The following RYR3 variants were observed in gnomAD, a reference collection of about 807,000 sequenced individuals.
The protein encoded by RYR3 is ryanodine receptor 3, also known as brain ryanodine receptor-calcium release channel.
A neutral mutation model predicts 584.3 loss-of-function variants in RYR3; 207 were observed. The observed-to-expected ratio is 0.35, with a 90% confidence interval of 0.32 to 0.40. The LOEUF is 0.40. Ranked by LOEUF, RYR3 falls within the 10% of genes least tolerant of loss-of-function variation. The pLI is 1.00. For missense variants in RYR3, 5,616 were observed against 6,089.2 expected, an observed-to-expected ratio of 0.92 and a Z score of 2.59; for synonymous variants, 2,416 against 2,248.5, an observed-to-expected ratio of 1.07 and a Z score of -2.11.
At chr15:33,852,184 A>G (rs924766733) in intron 94 of RYR3, 1 of 152,094 alleles carries the variant, frequency 6.6e-6, no homozygotes, top group East Asian at 1.9e-4. Context: ...AAGGAAAACA[A>G]AAGTAAGAAT....
At chr15:33,345,440 C>T (rs549081022) in intron 1 of RYR3, among the ~76,000 whole-genome samples, 147 of 152,266 alleles carry the variant, frequency 9.7e-4, no homozygotes, top group African/African-American at 3.2e-3. Context: ...CTTGACCTCC[C>T]AGGCTCTTAG....
chr15:33,554,908 C>T (rs1452224101), intron 10 of RYR3, among the ~76,000 whole-genome samples: 1 of 152,136 alleles, frequency 6.6e-6, no homozygotes, highest in Non-Finnish European at 1.5e-5. Context: ...AATGTTAAAG[C>T]AGGCCATATA....
chr15:33,436,224 A>T (rs2045716075), intron 1 of RYR3, among the ~76,000 whole-genome samples: 1 of 151,908 alleles, frequency 6.6e-6, no homozygotes, highest in East Asian at 1.9e-4. Flanking sequence ...TGCTATACTG[A>T]TTTCCTTTTT....
rs192547667 is a variant in RYR3, at chr15:33,645,883, T to G, written c.3766-468T>G. 3.2e-4 allele frequency among the ~76,000 whole-genome samples: 49 copies of G among 151,946 alleles called. No individual in the cohort carries two copies. The East Asian group carries it at 8.8e-3, about 27-fold the overall frequency. The stretch of plus-strand genomic sequence containing the variant: ...ACTGTGGCAGAGATGAGAGCTGGGC[T>G]GGGTGGGGAGGGTGTCCTCCTCAGG... On this transcript the variant is annotated intron_variant, in intron 28 of 103. Transcript: ENST00000634891.
intron 1 of RYR3, among the ~76,000 whole-genome samples, chr15:33,334,581 A>G (rs1567042894): frequency 6.6e-6 from 1 of 152,182 alleles, no homozygotes; most frequent in African/African-American, 2.4e-5. Flanking sequence ...ATAAAAACCC[A>G]GAAGATAACC....
chr15:33,865,273 G>GAAAT lies in RYR3; in HGVS notation c.*51_*54dup, dbSNP rs755626447. 9.6e-6 allele frequency: 13 copies of GAAAT among 1,350,600 alleles called. No homozygotes were observed. Among genetic ancestry groups the GAAAT allele is most frequent in the Non-Finnish European group, 7.4e-6 (7 of 949,622 alleles). 83.7% of individuals were successfully genotyped at this position (1,350,600 alleles called of 1,614,324 possible). A position where few individuals can be genotyped will look rare whatever the true frequency, so the allele number is the denominator to read the frequency against. ...CAATTCTGGACAGTCAACTTCCCAT[G>GAAAT]AAATAAAGTCCCCTTTTTACAGTTC... On this transcript the variant is annotated 3_prime_UTR_variant, in exon 104 of 104. Transcript: ENST00000634891.
rs2071071929 is a variant in RYR3, at chr15:33,749,507, A to G, written c.8200-472A>G. ...TCTAAGTCACTGTTTTACAAGCCTTACAAAGATGGATTCTACTAGAGAAAT... is the reference window on the plus strand; with the variant it reads ...TCTAAGTCACTGTTTTACAAGCCTTGCAAAGATGGATTCTACTAGAGAAAT... On this transcript the variant is annotated intron_variant, in intron 55 of 103. Transcript: ENST00000634891. 2.6e-5 allele frequency among the ~76,000 whole-genome samples: 4 copies of G among 152,246 alleles called. No homozygotes were observed. In the South Asian group the frequency reaches 8.3e-4, roughly 32 times the overall value.
intron 1 of RYR3, among the ~76,000 whole-genome samples, chr15:33,448,936 T>G (rs1417858781): frequency 6.6e-6 from 1 of 152,048 alleles, no homozygotes; most frequent in Non-Finnish European, 1.5e-5. Context: ...TCCACAGGTT[T>G]AGAAAGGGAA....
chr15:33,620,071 C>G (rs1464789209), intron 19 of RYR3, among the ~76,000 whole-genome samples: 1 of 152,148 alleles, frequency 6.6e-6, no homozygotes, highest in Non-Finnish European at 1.5e-5. Flanking sequence ...CTGATCTCTA[C>G]TCAGACATTT....
chr15:33,837,577 T>C, intron 88 of RYR3, 54 bp from the exon 89 acceptor site: 1 of 1,483,020 alleles, frequency 6.7e-7, no homozygotes, highest in South Asian at 1.4e-5. Flanking sequence ...ACAAGTGACA[T>C]GATAGCTTGG....
At chr15:33,808,909 A>G (rs1476238359) in intron 70 of RYR3, among the ~76,000 whole-genome samples, 1 of 152,136 alleles carries the variant, frequency 6.6e-6, no homozygotes, top group South Asian at 2.1e-4. Context: ...CCCCTGCAAC[A>G]ATAGAATTTT....
intron 64 of RYR3, among the ~76,000 whole-genome samples, chr15:33,776,819 A>G (rs919911960): frequency 6.6e-6 from 1 of 152,254 alleles, no homozygotes; most frequent in Non-Finnish European, 1.5e-5. Context: ...TTGAAAGGCA[A>G]GATTCAGATA....
chr15:33,384,860 G>A (rs1267037892), intron 1 of RYR3, among the ~76,000 whole-genome samples: 1 of 152,038 alleles, frequency 6.6e-6, no homozygotes, highest in Non-Finnish European at 1.5e-5. Context: ...GAAATTGACT[G>A]CATTTGTTTT....
Position 33,758,653 on chromosome 15 carries a change from G to A in RYR3, c.8705+1057G>A, listed in dbSNP as rs1426067385. On this transcript the variant is annotated intron_variant, in intron 60 of 103. Coordinates refer to ENST00000634891, the MANE Select transcript of RYR3 (RefSeq NM_001036.6). The stretch of plus-strand genomic sequence containing the variant: ...AAAGGAGGCAGCCCCAATCCGGATT[G>A]TAGACAAAACTCCCATATCCCTGGG... Among the ~76,000 whole-genome samples, 3 of 152,314 alleles carry A rather than the reference G, an allele frequency of 2.0e-5. No homozygotes were observed. In the East Asian group the frequency reaches 5.8e-4, roughly 29 times the overall value.
chr15:33,793,542 A>T (rs955218118), intron 67 of RYR3, among the ~76,000 whole-genome samples: 24 of 152,070 alleles, frequency 1.6e-4, no homozygotes, highest in South Asian at 8.3e-4. Flanking sequence ...TATATATAAT[A>T]AAAAAAACTC....
chr15:33,386,892 C>T (rs1023091613), intron 1 of RYR3, among the ~76,000 whole-genome samples: 3 of 151,898 alleles, frequency 2.0e-5, no homozygotes, highest in Admixed American at 6.6e-5. Flanking sequence ...GAGTCTTGCT[C>T]TGTCGCCCGG....
intron 1 of RYR3, among the ~76,000 whole-genome samples, chr15:33,317,334 C>T (rs1968326507): frequency 6.6e-6 from 1 of 152,162 alleles, no homozygotes; most frequent in Non-Finnish European, 1.5e-5. Context: ...TTCCTTTTGG[C>T]TGCACCCGGA....
At chr15:33,687,677 A>G (rs1160483148) in intron 38 of RYR3, among the ~76,000 whole-genome samples, 1 of 152,248 alleles carries the variant, frequency 6.6e-6, no homozygotes, top group Non-Finnish European at 1.5e-5. Context: ...ACAAGGCTGC[A>G]GTAACCAAAA....
intron 3 of RYR3, among the ~76,000 whole-genome samples, chr15:33,526,605 A>C (rs2054408800): frequency 6.6e-6 from 1 of 151,706 alleles, no homozygotes; most frequent in East Asian, 1.9e-4. Flanking sequence ...CGTTGCTGAC[A>C]AGCTCGTCAT....
Sources: gnomAD v4.1 joint callset for allele counts (sites outside exome capture counted in the v4.1 genomes callset) on GRCh38, gnomAD v4.1.1 for gene constraint, MANE v1.5 for transcripts, NCBI Gene and HGNC (gene_info 2026-07-23, HGNC 2026-07-21) for gene names.